Variants in PFKL observed in about 807,000 individuals in gnomAD.
PFKL encodes ATP-dependent 6-phosphofructokinase, liver type.
Under a neutral mutation model 92.1 loss-of-function variants are expected in PFKL, and 74 were observed. The ratio of observed to expected loss-of-function variants is 0.80; its 90% CI spans 0.67 to 0.97. The LOEUF is 0.97. PFKL is among the 50% of genes least tolerant of loss of function. The pLI is 0.00. For missense variants in PFKL, 1,028 were observed against 1,116.6 expected, an observed-to-expected ratio of 0.92 and a Z score of 1.13; for synonymous variants, 494 against 456.4, an observed-to-expected ratio of 1.08 and a Z score of -1.05.
chr21:44,319,495 G>A, intron 11 of PFKL, 80 bp downstream of exon 11: 2 of 1,202,850 alleles, frequency 1.7e-6, no homozygotes, highest in Non-Finnish European at 2.5e-6. Context: ...GTGGCGCTAT[G>A]CACGCCTGGC....
intron 19 of PFKL, 136 bp from the exon 20 acceptor site, chr21:44,325,825 C>T (rs558274549): frequency 3.8e-4 from 240 of 635,032 alleles, no homozygotes; most frequent in Non-Finnish European, 5.7e-4. Flanking sequence ...CAGACGGGAA[C>T]GGTGCACGGG....
chr21:44,311,072 A>G lies in PFKL; in HGVS notation c.226A>G (p.Ile76Val), dbSNP rs750335877. The G allele has an allele frequency of 2.0e-5, 33 of 1,612,676 alleles. No homozygotes were observed. The highest frequency in any genetic ancestry group is 5.5e-5 in the South Asian group (5 of 90,996). ...GGCCAACTGGCTGAGCGTCTCCAAC[A>G]TCATCCAGCTGGTGAGGCCTGGGAA... Reference protein sequence around the residue: ...KQANWLSVSNIIQLGGTIIGS... With the variant: ...KQANWLSVSNVIQLGGTIIGS... The change falls in exon 3 of 22, where the codon ATC becomes GTC. Residue 76 changes from isoleucine to valine, a missense_variant. Ile to Val is a conservative substitution (Grantham distance 29). Transcript: ENST00000349048.
rs551530157 is a variant in PFKL, at chr21:44,325,752, C to T, written c.1990-209C>T. ...GCCAGGGGCAGCCGACTGCCGGCCTCGGGAGGCAGCTTCTGGCCTGGACTT... is the reference window on the plus strand; with the variant it reads ...GCCAGGGGCAGCCGACTGCCGGCCTTGGGAGGCAGCTTCTGGCCTGGACTT... On this transcript the variant is annotated intron_variant, in intron 19 of 21. Coordinates refer to ENST00000349048, the MANE Select transcript of PFKL (RefSeq NM_002626.6). 2.2e-3 allele frequency: 1,257 copies of T among 573,374 alleles called. 14 individuals carry two copies. Among genetic ancestry groups the T allele is most frequent in the South Asian group, 0.013 (579 of 45,624 alleles). 35.5% of individuals were successfully genotyped at this position (573,374 alleles called of 1,614,324 possible). A position where few individuals can be genotyped will look rare whatever the true frequency, so the allele number is the denominator to read the frequency against.
Position 44,323,751 on chromosome 21 carries a change from T to C in PFKL, c.1498-15T>C, listed in dbSNP as rs943980377. 1 of 1,607,426 alleles carries C rather than the reference T, an allele frequency of 6.2e-7. No individual in the cohort carries two copies. The highest frequency in any genetic ancestry group is 1.3e-5 in the African/African-American group (1 of 74,760). On this transcript the variant is annotated splice_polypyrimidine_tract_variant and intron_variant, in intron 15 of 21. Transcript: ENST00000349048. The stretch of plus-strand genomic sequence containing the variant: ...TCGGTGCTGCCCTTGACCTGCCCCG[T>C]CCCTACTGCTGCAGGCCTATGAAGG...
intron 3 of PFKL, among the ~76,000 whole-genome samples, chr21:44,311,324 ACACAGACATG>A (rs1349805874): frequency 7.2e-6 from 1 of 138,438 alleles, no homozygotes; most frequent in Non-Finnish European, 1.5e-5. Context: ...GCACAGACAC[ACACAGACATG>A]CACACATACA....
rs182679260 is a variant in PFKL, at chr21:44,326,324, C to T, written c.2195+60C>T. On this transcript the variant is annotated intron_variant, in intron 21 of 21. Coordinates refer to ENST00000349048, the MANE Select transcript of PFKL (RefSeq NM_002626.6). ...GGCTGAGGGGTGGCCCAGACCTTCC[C>T]TGAGGCAGGTGTGCCAGGCCCAGCC... The T allele has an allele frequency of 9.1e-4, 1,205 of 1,319,102 alleles. 17 individuals carry two copies. The East Asian group carries it at 0.024, about 26-fold the overall frequency. 81.7% of individuals were successfully genotyped at this position (1,319,102 alleles called of 1,614,324 possible). A position where few individuals can be genotyped will look rare whatever the true frequency, so the allele number is the denominator to read the frequency against.
intron 14 of PFKL, 43 bp downstream of exon 14, chr21:44,322,246 G>T: frequency 6.4e-7 from 1 of 1,560,318 alleles, no homozygotes; most frequent in Non-Finnish European, 8.7e-7. Flanking sequence ...GAGGGCCAGG[G>T]CGCAGTATCC....
Position 44,321,788 on chromosome 21 carries a change from C to T in PFKL, c.1251C>T (p.Ala417=), listed in dbSNP as rs150413035. ...VGAPAAGMNA[A]VRSAVRTGIS... ...CCCCGGCGGCTGGCATGAATGCGGC[C>T]GTGCGCTCGGCGGTGCGGACCGGCA... Residue 417 remains alanine (A), a synonymous_variant, in exon 13 of 22, where the codon GCC becomes GCT. Coordinates refer to ENST00000349048, the MANE Select transcript of PFKL (RefSeq NM_002626.6). The T allele has an allele frequency of 1.0e-4, 163 of 1,601,572 alleles. 1 individual carries two copies. The highest frequency in any genetic ancestry group is 8.5e-4 in the South Asian group (76 of 89,606).
intron 9 of PFKL, among the ~76,000 whole-genome samples, 200 bp from the exon 10 acceptor site, chr21:44,318,270 G>C (rs548317056): frequency 6.6e-6 from 1 of 152,234 alleles, no homozygotes; most frequent in Non-Finnish European, 1.5e-5. Flanking sequence ...GCAGGGCAGC[G>C]AGGACTCTGT....
At chr21:44,300,583 G>A (rs1249504953) in intron 1 of PFKL, among the ~76,000 whole-genome samples, 2 of 152,174 alleles carry the variant, frequency 1.3e-5, no homozygotes, top group Admixed American at 6.5e-5. Flanking sequence ...TGCCTCCCGA[G>A]GGCCGGCGCC....
chr21:44,325,045 T>C, intron 18 of PFKL, 108 bp from the exon 19 acceptor site: 2 of 1,195,648 alleles, frequency 1.7e-6, no homozygotes. Flanking sequence ...CAGGGCGGCT[T>C]TCCTGGGAGC....
chr21:44,312,870 G>T, intron 4 of PFKL, 108 bp from the exon 5 acceptor site: 1 of 1,242,096 alleles, frequency 8.1e-7, no homozygotes, highest in African/African-American at 1.5e-5. Context: ...GGCCCCTGCC[G>T]GGCTGCACGC....
chr21:44,302,076 C>T (rs572554387), intron 1 of PFKL, among the ~76,000 whole-genome samples: 1 of 152,340 alleles, frequency 6.6e-6, no homozygotes, highest in Admixed American at 6.5e-5. Context: ...CCTCCCATCT[C>T]TGTCTGAGCT....
chr21:44,322,135 G>A lies in PFKL; in HGVS notation c.1341G>A (p.Val447=). 3 of 1,605,540 alleles carry A rather than the reference G, an allele frequency of 1.9e-6. No individual in the cohort carries two copies. The highest frequency in any genetic ancestry group is 2.5e-6 in the Non-Finnish European group (3 of 1,177,574). Residue 447 remains valine (V), a splice_region_variant and synonymous_variant, in exon 14 of 22, where the codon GTG becomes GTA. Coordinates refer to ENST00000349048, the MANE Select transcript of PFKL (RefSeq NM_002626.6). ...DGFEGLAKGQ[V]QEVGWHDVAG... is the part of the protein sequence containing the mutation. ...GAAGCTGCATCTCCTCCTGGCAGGTGCAAGAAGTAGGCTGGCACGACGTGG... is the reference window on the plus strand; with the variant it reads ...GAAGCTGCATCTCCTCCTGGCAGGTACAAGAAGTAGGCTGGCACGACGTGG...
At chr21:44,325,542 C>T (rs1326414073) in intron 19 of PFKL, 6 of 544,558 alleles carry the variant, frequency 1.1e-5, no homozygotes, top group East Asian at 3.1e-5. Flanking sequence ...CGGCCACTTC[C>T]GCCGAACCCC....
rs766981535 is a variant in PFKL, at chr21:44,313,103, A to G, written c.553A>G (p.Ile185Val). ...TIGTDSALHRIMEVIDAITTT... is the reference protein window; with the variant it reads ...TIGTDSALHRVMEVIDAITTT... The stretch of plus-strand genomic sequence containing the variant: ...CGGCACGGACTCGGCCCTCCACCGC[A>G]TCATGGAGGTCATCGATGCCATCAC... The change falls in exon 5 of 22, where the codon ATC (isoleucine) becomes GTC (valine). Residue 185 changes from isoleucine to valine, a missense_variant. Coordinates refer to ENST00000349048, the MANE Select transcript of PFKL (RefSeq NM_002626.6). The G allele has an allele frequency of 6.2e-7, 1 of 1,612,762 alleles. No individual in the cohort carries two copies.
At chr21:44,304,029 CCG>C (rs2040855647) in intron 1 of PFKL, among the ~76,000 whole-genome samples, 5 of 56,994 alleles carry the variant, frequency 8.8e-5, no homozygotes, top group East Asian at 1.3e-3. Flanking sequence ...GCAGCCAGTC[CCG>C]TTCTAAAATC....
intron 1 of PFKL, chr21:44,304,161 T>A: frequency 7.9e-7 from 1 of 1,267,628 alleles, no homozygotes; most frequent in South Asian, 1.3e-5. Context: ...TTTGGCAGCT[T>A]CATTGTCTCC....
In PFKL at chr21:44,326,992, C is replaced by T; in HGVS notation, c.*130C>T. On this transcript the variant is annotated 3_prime_UTR_variant, in exon 22 of 22. Coordinates refer to ENST00000349048, the MANE Select transcript of PFKL (RefSeq NM_002626.6). ...GGGCTGCGTCCCTGCTCAGCCCATC[C>T]CCTGCCTCTATCCCTGGCCACCTGC... The T allele has an allele frequency of 1.2e-6, 1 of 835,722 alleles. No homozygotes were observed. Among genetic ancestry groups the T allele is most frequent in the Non-Finnish European group, 1.9e-6 (1 of 532,630 alleles). 51.8% of individuals were successfully genotyped at this position (835,722 alleles called of 1,614,324 possible).
Sources: gnomAD v4.1 joint callset for allele counts (sites outside exome capture counted in the v4.1 genomes callset) on GRCh38, gnomAD v4.1.1 for gene constraint, MANE v1.5 for transcripts, NCBI Gene and HGNC (gene_info 2026-07-23, HGNC 2026-07-21) for gene names.